Variants in SPTY2D1 observed in about 807,000 individuals in gnomAD.
The protein encoded by SPTY2D1 is protein SPT2 homolog.
Under a neutral mutation model 64.0 loss-of-function variants are expected in SPTY2D1, and 21 were observed. That is an observed-to-expected ratio of 0.33 (90% CI 0.23 to 0.47). SPTY2D1 has a LOEUF of 0.47. Ranked by LOEUF, SPTY2D1 falls within the 20% of genes least tolerant of loss-of-function variation. The pLI, the probability that SPTY2D1 is intolerant of heterozygous loss-of-function variation, is 1.00. For synonymous variants in SPTY2D1, 287 were observed against 286.8 expected (o/e 1.00, Z -0.01); for missense variants, 724 against 837.2 (o/e 0.86, Z 1.67).
At chr11:18,630,696 G>C (rs1256423600) in intron 1 of SPTY2D1, among the ~76,000 whole-genome samples, 2 of 152,230 alleles carry the variant, frequency 1.3e-5, no homozygotes, top group Non-Finnish European at 2.9e-5. Context: ...AATCAATAGA[G>C]AGAGATGCAG....
At chr11:18,616,509 A>G (rs977411555) in intron 2 of SPTY2D1, among the ~76,000 whole-genome samples, 4 of 152,218 alleles carry the variant, frequency 2.6e-5, no homozygotes, top group African/African-American at 4.8e-5. Flanking sequence ...CCTTTTAGAT[A>G]GCATTCTGTT....
chr11:18,620,223 C>T (rs1324961013), intron 1 of SPTY2D1, among the ~76,000 whole-genome samples: 3 of 152,122 alleles, frequency 2.0e-5, no homozygotes, highest in African/African-American at 7.2e-5. Context: ...GCCTGTAATC[C>T]CAGCACTTTG....
In SPTY2D1 at chr11:18,633,166, G is replaced by C. The variant is rs144307106; in HGVS notation, c.60+1032C>G. On this transcript the variant is annotated intron_variant, in intron 1 of 5. Coordinates refer to ENST00000336349, the MANE Select transcript of SPTY2D1 (RefSeq NM_194285.3). ...CCTTTTTCAGATCAATATTTTCAAA[G>C]GGATAAAAGAATGAACTAGCCTCAG... 4.8e-3 allele frequency among the ~76,000 whole-genome samples: 724 copies of C among 152,006 alleles called. 5 individuals are homozygous for C. The highest frequency in any genetic ancestry group is 6.1e-3 in the Non-Finnish European group (412 of 67,970).
chr11:18,610,088 T>C, intron 5 of SPTY2D1, 134 bp from the exon 6 acceptor site: 1 of 674,766 alleles, frequency 1.5e-6, no homozygotes, highest in East Asian at 2.8e-5. Flanking sequence ...GCTTTACCAC[T>C]GAAAACAAAC....
In SPTY2D1 at chr11:18,606,696, A is replaced by C. The variant is rs1435860775; in HGVS notation, c.*3165T>G. 3 of 409,654 alleles carry C rather than the reference A, an allele frequency of 7.3e-6. No individual in the cohort carries two copies. The highest frequency in any genetic ancestry group is 1.4e-5 in the Non-Finnish European group (3 of 213,588). The allele number at this position is 409,654 out of a possible 1,614,324, so 25.4% of individuals were successfully genotyped here. ...ATATTCAATACATTGAAAATAAAAC[A>C]ACCAGTCTCTCTTCATATATTTATT... On this transcript the variant is annotated 3_prime_UTR_variant, in exon 6 of 6. Coordinates refer to ENST00000336349, the MANE Select transcript of SPTY2D1 (RefSeq NM_194285.3).
At chr11:18,625,488 C>A (rs1030899071) in intron 1 of SPTY2D1, among the ~76,000 whole-genome samples, 1 of 152,234 alleles carries the variant, frequency 6.6e-6, no homozygotes, top group Middle Eastern at 3.4e-3. Context: ...CGGTTTATAG[C>A]AGAGTCTGAA....
intron 1 of SPTY2D1, among the ~76,000 whole-genome samples, chr11:18,622,954 AAACAACAACAACAACAAC>A (rs71050619): frequency 3.3e-5 from 5 of 149,332 alleles, no homozygotes; most frequent in East Asian, 2.0e-4. Flanking sequence ...CTCTGTCTCA[AAACAACAACAACAACAAC>A]AACAACAACA....
intron 1 of SPTY2D1, among the ~76,000 whole-genome samples, chr11:18,622,147 T>C (rs1590403860): frequency 1.8e-5 from 2 of 111,388 alleles, no homozygotes; most frequent in East Asian, 6.0e-4. Flanking sequence ...CAAATACCAA[T>C]AAGATATTAA....
Position 18,634,320 on chromosome 11 carries a change from G to T in SPTY2D1, c.-63C>A, listed in dbSNP as rs1022410665. On this transcript the variant is annotated 5_prime_UTR_variant, in exon 1 of 6. Transcript: ENST00000336349. ...GAAAGGACTGACAGCGCACCTAACC[G>T]AGGCGCCCAGCTACAGCCAACTGCA... 1 of 1,575,904 alleles carries T rather than the reference G, an allele frequency of 6.3e-7. No homozygotes were observed. The highest frequency in any genetic ancestry group is 8.7e-7 in the Non-Finnish European group (1 of 1,147,912).
intron 1 of SPTY2D1, among the ~76,000 whole-genome samples, chr11:18,618,731 C>A (rs570882232): frequency 2.6e-5 from 4 of 152,192 alleles, no homozygotes; most frequent in Non-Finnish European, 5.9e-5. Flanking sequence ...GTATGAAATT[C>A]TTGGAGGAAA....
intron 1 of SPTY2D1, among the ~76,000 whole-genome samples, chr11:18,620,315 C>T (rs1854373038): frequency 6.6e-6 from 1 of 151,534 alleles, no homozygotes; most frequent in Non-Finnish European, 1.5e-5. Flanking sequence ...CCTGTCTCCA[C>T]TAAAAGTACA....
Position 18,607,003 on chromosome 11 carries a change from GGT to G in SPTY2D1, c.*2856_*2857del. The G allele has an allele frequency of 7.3e-6, 2 of 275,722 alleles. No homozygotes were observed. The highest frequency in any genetic ancestry group is 1.6e-4 in the East Asian group (1 of 6,094). The allele number at this position is 275,722 out of a possible 1,614,324, so 17.1% of individuals were successfully genotyped here. A position where few individuals can be genotyped will look rare whatever the true frequency, so the allele number is the denominator to read the frequency against. Reference sequence around the variant, plus strand: ...AGCCTCCCCGGTAGCTGGGATTACAGGTGTGTGCCACCGCACCCGGCTAATTT... The same window carrying G: ...AGCCTCCCCGGTAGCTGGGATTACAGGTGTGCCACCGCACCCGGCTAATTT... On this transcript the variant is annotated 3_prime_UTR_variant, in exon 6 of 6. Coordinates refer to ENST00000336349, the MANE Select transcript of SPTY2D1 (RefSeq NM_194285.3).
At position 18,606,721 on chromosome 11, in the gene SPTY2D1, T is replaced by C. The variant is rs555330687; in HGVS notation, c.*3140A>G. 1 of 404,332 alleles carries C rather than the reference T, an allele frequency of 2.5e-6. No homozygotes were observed. Among genetic ancestry groups the C allele is most frequent in the South Asian group, 1.9e-5 (1 of 53,554 alleles). The allele number at this position is 404,332 out of a possible 1,614,324, so 25.0% of individuals were successfully genotyped here. A position where few individuals can be genotyped will look rare whatever the true frequency, so the allele number is the denominator to read the frequency against. On this transcript the variant is annotated 3_prime_UTR_variant, in exon 6 of 6. Coordinates refer to ENST00000336349, the MANE Select transcript of SPTY2D1 (RefSeq NM_194285.3). ...AACCAGTCTCTCTTCATATATTTAT[T>C]CTCTTTCCAAACATGTTTTGGTCTC...
chr11:18,614,243 T>C (rs1450581146), intron 3 of SPTY2D1, among the ~76,000 whole-genome samples: 1 of 152,138 alleles, frequency 6.6e-6, no homozygotes, highest in Non-Finnish European at 1.5e-5. Context: ...GGCAACATAC[T>C]GAAACCCCAT....
intron 1 of SPTY2D1, among the ~76,000 whole-genome samples, chr11:18,630,120 G>A (rs1184534399): frequency 6.6e-6 from 1 of 151,506 alleles, no homozygotes; most frequent in Non-Finnish European, 1.5e-5. Context: ...AGTGAGCCAA[G>A]ACCATGCCAC....
chr11:18,609,657 A>G lies in SPTY2D1; in HGVS notation c.*204T>C, dbSNP rs1854164563. 1 of 584,382 alleles carries G rather than the reference A, an allele frequency of 1.7e-6. No individual in the cohort carries two copies. Among genetic ancestry groups the G allele is most frequent in the Admixed American group, 3.1e-5 (1 of 32,050 alleles). 36.2% of individuals were successfully genotyped at this position (584,382 alleles called of 1,614,324 possible). A position where few individuals can be genotyped will look rare whatever the true frequency, so the allele number is the denominator to read the frequency against. On this transcript the variant is annotated 3_prime_UTR_variant, in exon 6 of 6. Coordinates refer to ENST00000336349, the MANE Select transcript of SPTY2D1 (RefSeq NM_194285.3). Reference sequence around the variant, plus strand: ...CTTCATAAGAGCACAAGTGGGCATTATATCATCTGCATTACAGATTTCACC... The same window carrying G: ...CTTCATAAGAGCACAAGTGGGCATTGTATCATCTGCATTACAGATTTCACC...
In SPTY2D1 at chr11:18,609,625, C is replaced by T. The variant is rs1435055024; in HGVS notation, c.*236G>A. 1.9e-6 allele frequency: 1 copy of T among 517,882 alleles called. No homozygotes were observed. Among genetic ancestry groups the T allele is most frequent in the Non-Finnish European group, 3.4e-6 (1 of 292,098 alleles). 32.1% of individuals were successfully genotyped at this position (517,882 alleles called of 1,614,324 possible). On this transcript the variant is annotated 3_prime_UTR_variant, in exon 6 of 6. Transcript: ENST00000336349. ...CAGGATCAAGGCTGGCATCTGTGAA[C>T]AGTTAACTTCATAAGAGCACAAGTG...
chr11:18,628,531 T>C (rs1457350810), intron 1 of SPTY2D1, among the ~76,000 whole-genome samples: 4 of 152,116 alleles, frequency 2.6e-5, no homozygotes, highest in African/African-American at 7.2e-5. Context: ...GATTACATTA[T>C]ATTCTATTTA....
At chr11:18,626,775 G>C (rs1173930748) in intron 1 of SPTY2D1, among the ~76,000 whole-genome samples, 1 of 152,198 alleles carries the variant, frequency 6.6e-6, no homozygotes. Context: ...AAGGTTAATT[G>C]TTATTCAGAA....
Sources: allele counts gnomAD v4.1 joint callset (sites outside exome capture counted in the v4.1 genomes callset), GRCh38; gene constraint gnomAD v4.1.1; transcripts MANE v1.5; gene names NCBI Gene and HGNC (gene_info 2026-07-23, HGNC 2026-07-21).